SRA1: variants seen among roughly 807,000 people sequenced by gnomAD.
SRA1 encodes the protein lncRNA SRA.
Under a neutral mutation model 24.3 loss-of-function variants are expected in SRA1, and 25 were observed. That is an observed-to-expected ratio of 1.03 (90% CI 0.75 to 1.43). SRA1 has a LOEUF of 1.43. Among genes scored for constraint, SRA1 ranks in the 40% most tolerant of loss-of-function variants. SRA1 has a pLI of 0.00. For synonymous variants in SRA1, 104 were observed against 109.5 expected (o/e 0.95, Z 0.31); for missense variants, 303 against 286.6 (o/e 1.06, Z -0.41).
rs762538914 is a variant in SRA1 at position 140,557,446 on chromosome 5, C to G, written c.7G>C (p.Glu3Gln). The change falls in exon 1 of 5, where the codon GAG becomes CAG. Residue 3 changes from glutamate (E) to glutamine (Q), a missense_variant. Coordinates refer to ENST00000336283, the MANE Select transcript of SRA1 (RefSeq NM_001035235.4). MA[E>Q]LYVKPGNKER... ...CGCTCACCCGGCTTCACGTACAGCT[C>G]CGCCATCTCCACTTCCGCTTGGCCA... 2 of 1,562,310 alleles carry G rather than the reference C, an allele frequency of 1.3e-6. No individual in the cohort carries two copies. The highest frequency in any genetic ancestry group is 4.8e-5 in the East Asian group (2 of 41,686).
At position 140,552,136 on chromosome 5, in the gene SRA1, G is replaced by A. The variant is rs144125940; in HGVS notation, c.200C>T (p.Pro67Leu). The A allele has an allele frequency of 1.5e-4, 241 of 1,611,734 alleles. 1 individual carries two copies. In the African/African-American group the frequency reaches 2.2e-3, roughly 15 times the overall value. Residue 67 changes from proline to leucine, a missense_variant, in exon 3 of 5, where the codon CCT becomes CTT. Coordinates refer to ENST00000336283, the MANE Select transcript of SRA1 (RefSeq NM_001035235.4). ...GGACCTGGGAGCCTTACTTGAAGGA[G>A]GTGGAGGCCCCATTGGGGGAGGCCC... ...SPGPPPMGPP[P>L]PSSKAPRSPP...
In SRA1 at chr5:140,550,841, C is replaced by T. The variant is rs779457129; in HGVS notation, c.534G>A (p.Glu178=). ...HRSLMVDHVT[E]VSQWMVGVKR... The stretch of plus-strand genomic sequence containing the variant: ...TAACTCCTACCATCCACTGACTGAC[C>T]TCAGTCACATGGTCAACCATGAGGG... The change falls in exon 5 of 5, where the codon GAG becomes GAA. Residue 178 remains glutamate, a synonymous_variant. Transcript: ENST00000336283. The T allele has an allele frequency of 1.2e-6, 2 of 1,614,020 alleles. No homozygotes were observed. Among genetic ancestry groups the T allele is most frequent in the South Asian group, 1.1e-5 (1 of 91,078 alleles).
At chr5:140,557,378 G>A (rs1754750235) in intron 1 of SRA1, 50 bp downstream of exon 1, 1 of 1,602,454 alleles carries the variant, frequency 6.2e-7, no homozygotes, top group Non-Finnish European at 8.5e-7. Context: ...ACCGCCCCCA[G>A]CCTAGGCCGG....
chr5:140,556,804 A>C (rs996292571), intron 2 of SRA1, among the ~76,000 whole-genome samples: 1 of 152,202 alleles, frequency 6.6e-6, no homozygotes, highest in African/African-American at 2.4e-5. Context: ...ACCTAAGTGA[A>C]GACAGAATGG....
intron 2 of SRA1, among the ~76,000 whole-genome samples, chr5:140,553,812 T>C (rs1754624315): frequency 6.6e-6 from 1 of 152,090 alleles, no homozygotes. Flanking sequence ...ACGAGGGGAA[T>C]GGAGTAGTCT....
At chr5:140,554,568 G>A (rs1464940783) in intron 2 of SRA1, among the ~76,000 whole-genome samples, 1 of 148,790 alleles carries the variant, frequency 6.7e-6, no homozygotes, top group African/African-American at 2.4e-5. Context: ...AGCCTCTCTT[G>A]TCTTCTCTAG....
At chr5:140,557,520 A>C, upstream of SRA1, 1 of 1,515,900 alleles carries the variant, frequency 6.6e-7, no homozygotes, top group Non-Finnish European at 8.8e-7. Context: ...GGGCCAGTTG[A>C]GACACGTCCA....
chr5:140,556,445 G>A (rs1754697782), intron 2 of SRA1, among the ~76,000 whole-genome samples: 1 of 152,252 alleles, frequency 6.6e-6, no homozygotes, highest in South Asian at 2.1e-4. Flanking sequence ...CAGCCACTCT[G>A]TATTTCATCA....
At position 140,552,188 on chromosome 5, in the gene SRA1, A is replaced by G; in HGVS notation, c.152-4T>C. The G allele has an allele frequency of 6.6e-7, 1 of 1,515,320 alleles. No homozygotes were observed. The highest frequency in any genetic ancestry group is 1.4e-5 in the African/African-American group (1 of 70,574). The allele number at this position is 1,515,320 out of a possible 1,614,324, so 93.9% of individuals were successfully genotyped here. A position where few individuals can be genotyped will look rare whatever the true frequency, so the allele number is the denominator to read the frequency against. ...GGAGAAGTCTCTGATGCGGGGACTG[A>G]AAAGGTACAGCAGGATCAAGCAACA... On this transcript the variant is annotated splice_region_variant and splice_polypyrimidine_tract_variant and intron_variant, in intron 2 of 4. Coordinates refer to ENST00000336283, the MANE Select transcript of SRA1 (RefSeq NM_001035235.4).
intron 2 of SRA1, among the ~76,000 whole-genome samples, chr5:140,553,097 T>G (rs143444336): frequency 2.0e-5 from 3 of 152,362 alleles, no homozygotes; most frequent in Admixed American, 6.5e-5. Context: ...AGCAAGTTAC[T>G]TTCAACTAGA....
chr5:140,554,604 T>C (rs1754643287), intron 2 of SRA1, among the ~76,000 whole-genome samples: 2 of 152,182 alleles, frequency 1.3e-5, no homozygotes, highest in South Asian at 4.1e-4. Context: ...CTATCTTCTC[T>C]TGCATCATCA....
intron 4 of SRA1, 21 bp downstream of exon 4, chr5:140,551,040 T>C: frequency 2.5e-6 from 4 of 1,604,830 alleles, no homozygotes; most frequent in Non-Finnish European, 3.4e-6. Context: ...ATTTAGGCTA[T>C]ACCAAAGAAC....
At chr5:140,555,149 T>TA (rs1172107636) in intron 2 of SRA1, among the ~76,000 whole-genome samples, 1 of 152,130 alleles carries the variant, frequency 6.6e-6, no homozygotes, top group Non-Finnish European at 1.5e-5. Context: ...GTGCTGGAAT[T>TA]ACAGGCGTGA....
At chr5:140,557,067 A>T in intron 2 of SRA1, 80 bp downstream of exon 2, 1 of 1,347,280 alleles carries the variant, frequency 7.4e-7, no homozygotes, top group Non-Finnish European at 1.0e-6. Flanking sequence ...GGAGAGAAAA[A>T]AGCCTTCCAA....
intron 2 of SRA1, among the ~76,000 whole-genome samples, chr5:140,553,816 G>A (rs1205498635): frequency 6.6e-6 from 1 of 152,208 alleles, no homozygotes; most frequent in Non-Finnish European, 1.5e-5. Context: ...GGGGAATGGA[G>A]TAGTCTGAGA....
chr5:140,556,356 C>G (rs1219487690), intron 2 of SRA1, among the ~76,000 whole-genome samples: 4 of 152,174 alleles, frequency 2.6e-5, no homozygotes, highest in Non-Finnish European at 5.9e-5. Flanking sequence ...CTACTTTAAA[C>G]TTTTCAATGG....
intron 2 of SRA1, among the ~76,000 whole-genome samples, chr5:140,555,928 C>G (rs999185111): frequency 1.3e-5 from 2 of 152,206 alleles, no homozygotes; most frequent in Non-Finnish European, 2.9e-5. Flanking sequence ...ACCATAATAG[C>G]TGTAATTTGT....
intron 4 of SRA1, 61 bp downstream of exon 4, chr5:140,551,000 T>C (rs1754540248): frequency 6.3e-7 from 1 of 1,581,030 alleles, no homozygotes; most frequent in Middle Eastern, 1.7e-4. Context: ...CAGCACCTGC[T>C]CCAGCATAGC....
At chr5:140,554,458 T>TA (rs972589725) in intron 2 of SRA1, among the ~76,000 whole-genome samples, 79 of 152,208 alleles carry the variant, frequency 5.2e-4, no homozygotes, top group African/African-American at 1.9e-3. Context: ...CCATTCCTCC[T>TA]AACCCACCTG....
Sources: gnomAD v4.1 joint callset for allele counts (sites outside exome capture counted in the v4.1 genomes callset) on GRCh38, gnomAD v4.1.1 for gene constraint, MANE v1.5 for transcripts, NCBI Gene and HGNC (gene_info 2026-07-23, HGNC 2026-07-21) for gene names.